The following LAMC2 variants were observed in gnomAD, a reference collection of about 807,000 sequenced individuals.
LAMC2 encodes laminin subunit gamma-2.
LAMC2 carries 97 observed loss-of-function variants against 140.2 expected under a neutral mutation model. That is an observed-to-expected ratio of 0.69 (90% CI 0.59 to 0.82). LAMC2 has a LOEUF of 0.82. LAMC2 is among the 40% of genes least tolerant of loss of function. The pLI is 0.00. For missense variants in LAMC2, 1,402 were observed against 1,476.1 expected (o/e 0.95, Z 0.82); for synonymous variants, 513 against 540.2 (o/e 0.95, Z 0.70).
At chr1:183,206,688 T>C (rs1004484549) in intron 1 of LAMC2, among the ~76,000 whole-genome samples, 1 of 151,648 alleles carries the variant, frequency 6.6e-6, no homozygotes, top group African/African-American at 2.4e-5. Flanking sequence ...TGTCCCCTTG[T>C]ATTGTCAGTG....
At position 183,239,387 on chromosome 1, in the gene LAMC2, A is replaced by C; in HGVS notation, c.2893A>C (p.Arg965=). 1 of 1,614,232 alleles carries C rather than the reference A, an allele frequency of 6.2e-7. No homozygotes were observed. Among genetic ancestry groups the C allele is most frequent in the Non-Finnish European group, 8.5e-7 (1 of 1,180,038 alleles). The change falls in exon 20 of 23, where the codon AGA becomes CGA. Residue 965 remains arginine, a synonymous_variant. Coordinates refer to ENST00000264144, the MANE Select transcript of LAMC2 (RefSeq NM_005562.3). ...LREFDLQVDN[R]KAEAEEAMKR... ...AGAGTTTGACCTGCAGGTGGACAAC[A>C]GAAAAGCAGAAGCTGAAGAAGCCAT...
intron 2 of LAMC2, among the ~76,000 whole-genome samples, 159 bp from the exon 3 acceptor site, chr1:183,215,294 G>A (rs899700846): frequency 4.6e-5 from 7 of 152,174 alleles, no homozygotes; most frequent in Non-Finnish European, 7.3e-5. Context: ...CACCATCCCC[G>A]GTGACACGCA....
intron 15 of LAMC2, 125 bp downstream of exon 15, chr1:183,234,571 C>A: frequency 2.5e-6 from 2 of 816,268 alleles, no homozygotes; most frequent in Non-Finnish European, 4.1e-6. Flanking sequence ...TGCAGCCATT[C>A]CCTACCTTGA....
intron 6 of LAMC2, 70 bp downstream of exon 6, chr1:183,222,281 G>A: frequency 1.9e-6 from 3 of 1,540,608 alleles, no homozygotes; most frequent in Non-Finnish European, 2.7e-6. Context: ...GAGAAATTGA[G>A]TTAGAAATTG....
chr1:183,239,670 C>T (rs566732036), intron 20 of LAMC2, 107 bp downstream of exon 20: 7 of 944,176 alleles, frequency 7.4e-6, no homozygotes, highest in Admixed American at 2.4e-5. Context: ...GCTCAGAGCC[C>T]TGTTGTGGCC....
At chr1:183,240,558 A>G (rs1266822155) in intron 22 of LAMC2, 167 bp downstream of exon 22, 9 of 1,448,464 alleles carry the variant, frequency 6.2e-6, no homozygotes, top group South Asian at 1.5e-5. Context: ...GTTCCCTTAC[A>G]TTTACTGGAC....
chr1:183,228,394 G>C lies in LAMC2; in HGVS notation c.1489G>C (p.Ala497Pro). 1 of 1,614,112 alleles carries C rather than the reference G, an allele frequency of 6.2e-7. No individual in the cohort carries two copies. Among genetic ancestry groups the C allele is most frequent in the East Asian group, 2.2e-5 (1 of 44,860 alleles). Residue 497 changes from alanine to proline, a missense_variant, in exon 11 of 23, where the codon GCT becomes CCT. Around this residue, in one of 3 missense-constraint regions of LAMC2, gnomAD observed 723 missense variants for 783.3 expected, o/e 0.92. Transcript: ENST00000264144. This position sits in a 1 kb window ranked among gnomAD's most constrained non-coding sequence, Gnocchi z 4.3. ...GVTGARCELCADGYFGDPFGE... is the reference protein window; with the variant it reads ...GVTGARCELCPDGYFGDPFGE... ...CCCAGGTGCCCGCTGTGAGCTCTGT[G>C]CTGATGGCTACTTTGGGGACCCCTT...
In LAMC2 at chr1:183,186,370, G is replaced by T. The variant is rs768888815; in HGVS notation, c.18G>T (p.Leu6=). The T allele has an allele frequency of 1.2e-6, 2 of 1,603,896 alleles. No homozygotes were observed. The highest frequency in any genetic ancestry group is 2.7e-5 in the African/African-American group (2 of 74,914). The change falls in exon 1 of 23, where the codon CTG becomes CTT. Residue 6 remains leucine (L), a synonymous_variant. Coordinates refer to ENST00000264144, the MANE Select transcript of LAMC2 (RefSeq NM_005562.3). Reference sequence around the variant, plus strand: ...GCCCCGCCATGCCTGCGCTCTGGCTGGGCTGCTGCCTCTGCTTCTCGCTCC... The same window carrying T: ...GCCCCGCCATGCCTGCGCTCTGGCTTGGCTGCTGCCTCTGCTTCTCGCTCC... MPALW[L]GCCLCFSLLL...
At chr1:183,237,017 T>C (rs1024443403) in intron 17 of LAMC2, among the ~76,000 whole-genome samples, 1 of 152,202 alleles carries the variant, frequency 6.6e-6, no homozygotes, top group Non-Finnish European at 1.5e-5. Context: ...TCCAAACTTA[T>C]TCGATTAAGA....
rs79246431 is a variant in LAMC2 at position 183,207,984 on chromosome 1, T to C, written c.183T>C (p.Asp61=). The C allele has an allele frequency of 6.2e-7, 1 of 1,614,112 alleles. No individual in the cohort carries two copies. The highest frequency in any genetic ancestry group is 1.3e-5 in the African/African-American group (1 of 75,036). ...GCCTCAACTGCAATGACAACACTGA[T>C]GGCATTCACTGCGAGAAGTGCAAGA... is the stretch of plus-strand genomic sequence containing the variant. ...FRCLNCNDNT[D]GIHCEKCKNG... Residue 61 remains aspartate (D), a synonymous_variant, in exon 2 of 23, where the codon GAT becomes GAC. Coordinates refer to ENST00000264144, the MANE Select transcript of LAMC2 (RefSeq NM_005562.3).
chr1:183,211,995 C>A (rs912145485), intron 2 of LAMC2, among the ~76,000 whole-genome samples: 1 of 151,714 alleles, frequency 6.6e-6, no homozygotes, highest in Non-Finnish European at 1.5e-5. Context: ...GGAATTGGGG[C>A]AGGTTGTTTT....
intron 1 of LAMC2, among the ~76,000 whole-genome samples, chr1:183,187,502 CAAA>C (rs11386933): frequency 2.4e-5 from 3 of 126,206 alleles, no homozygotes; most frequent in Admixed American, 7.7e-5. Context: ...TGATTGCCAC[CAAA>C]AAAAAAAAAA....
intron 11 of LAMC2, among the ~76,000 whole-genome samples, chr1:183,230,552 T>A (rs1239638438): frequency 6.6e-6 from 1 of 152,238 alleles, no homozygotes; most frequent in Non-Finnish European, 1.5e-5. Context: ...CATTGTAGCT[T>A]GCCATTTACT....
At chr1:183,240,754 C>A in intron 22 of LAMC2, 1 of 1,034,866 alleles carries the variant, frequency 9.7e-7, no homozygotes, top group Non-Finnish European at 1.2e-6. Context: ...GGAATAACAT[C>A]ACCACTGTAT....
chr1:183,205,184 A>G (rs1172292), intron 1 of LAMC2, among the ~76,000 whole-genome samples: 51,068 of 152,084 alleles, frequency 0.34, 9,141 homozygotes, highest in Middle Eastern at 0.4. Context: ...TGCTTCCAAA[A>G]GGCATCCAGG....
chr1:183,206,340 T>A (rs1444490586), intron 1 of LAMC2, among the ~76,000 whole-genome samples: 8 of 152,172 alleles, frequency 5.3e-5, no homozygotes, highest in Admixed American at 5.2e-4. Context: ...ACTTAGCAGG[T>A]CCATTAGATG....
At chr1:183,258,770 C>CTT in the LAMC2 span, among the ~76,000 whole-genome samples, 1 of 152,096 alleles carries the variant, frequency 6.6e-6, no homozygotes. Context: ...AATAAACTGG[C>CTT]TTATTTGAAT....
At chr1:183,214,045 A>AG in intron 2 of LAMC2, among the ~76,000 whole-genome samples, 1 of 140,624 alleles carries the variant, frequency 7.1e-6, no homozygotes, top group South Asian at 2.3e-4. Flanking sequence ...CTCAAAAAAA[A>AG]AAAAAAATAC....
chr1:183,242,598 T>C (rs1037675380), intron 22 of LAMC2, among the ~76,000 whole-genome samples: 1 of 152,234 alleles, frequency 6.6e-6, no homozygotes, highest in African/African-American at 2.4e-5. Context: ...TGTTTCAGGC[T>C]GGAATGATGT....
Sources: allele counts gnomAD v4.1 joint callset (sites outside exome capture counted in the v4.1 genomes callset), GRCh38; gene constraint gnomAD v4.1.1; regional missense constraint gnomAD v4.1.1; non-coding constraint Gnocchi (gnomAD v3.1); transcripts MANE v1.5; gene names NCBI Gene and HGNC (gene_info 2026-07-23, HGNC 2026-07-21).